Variants in ZRANB3 observed in about 807,000 individuals in gnomAD.
ZRANB3 encodes DNA annealing helicase and endonuclease ZRANB3.
A neutral mutation model predicts 133.8 loss-of-function variants in ZRANB3; 125 were observed. The ratio of observed to expected loss-of-function variants is 0.93; its 90% CI spans 0.81 to 1.08. ZRANB3 has a LOEUF of 1.08. Among genes scored for constraint, ZRANB3 ranks in the 50% least tolerant of loss-of-function variants. ZRANB3 has a pLI of 0.00. For synonymous variants in ZRANB3, 387 were observed against 432.7 expected, an observed-to-expected ratio of 0.89 and a Z score of 1.31; for missense variants, 1,229 against 1,275.5, an observed-to-expected ratio of 0.96 and a Z score of 0.56.
At chr2:135,402,694 C>T (rs1687794498) in intron 2 of ZRANB3, among the ~76,000 whole-genome samples, 1 of 151,870 alleles carries the variant, frequency 6.6e-6, no homozygotes, top group South Asian at 2.1e-4. Flanking sequence ...TCAAGCGATT[C>T]TCCTGCTCAG....
chr2:135,225,843 T>C (rs1273755710), intron 14 of ZRANB3, among the ~76,000 whole-genome samples: 4 of 152,194 alleles, frequency 2.6e-5, no homozygotes, highest in Non-Finnish European at 1.5e-5. Context: ...AAAGGAATAA[T>C]GGAGTGCTTC....
intron 12 of ZRANB3, among the ~76,000 whole-genome samples, chr2:135,242,789 CT>C (rs1424467234): frequency 6.6e-6 from 1 of 151,304 alleles, no homozygotes; most frequent in Non-Finnish European, 1.5e-5. Flanking sequence ...CCTTTCTTTC[CT>C]TATTTAATTA....
intron 4 of ZRANB3, among the ~76,000 whole-genome samples, 198 bp from the exon 5 acceptor site, chr2:135,350,413 T>G (rs1685152006): frequency 6.6e-6 from 1 of 152,182 alleles, no homozygotes; most frequent in African/African-American, 2.4e-5. Context: ...TTTACAGTTT[T>G]GGTTAACCAA....
chr2:135,207,769 C>T lies in ZRANB3; in HGVS notation c.2674G>A (p.Val892Met), dbSNP rs745492330. ...NPYTVQADLT[V>M]KPSTSKGYLQ... ...TAGCCTTTGGATGTAGAGGGCTTCA[C>T]AGTGAGATCTGCCTGGACTGTGTAT... The change falls in exon 19 of 21, where the codon GTG (valine) becomes ATG (methionine). Residue 892 changes from valine (V) to methionine (M), a missense_variant. By Grantham distance (21) the Val-to-Met change is conservative. Transcript: ENST00000264159. 6.2e-7 allele frequency: 1 copy of T among 1,613,988 alleles called. No individual in the cohort carries two copies. Among genetic ancestry groups the T allele is most frequent in the Non-Finnish European group, 8.5e-7 (1 of 1,179,860 alleles).
intron 9 of ZRANB3, among the ~76,000 whole-genome samples, chr2:135,274,880 A>G (rs1234835593): frequency 6.6e-6 from 1 of 152,172 alleles, no homozygotes; most frequent in Non-Finnish European, 1.5e-5. Flanking sequence ...ATCTTGCACC[A>G]CGCTTAATCC....
At position 135,227,595 on chromosome 2, in the gene ZRANB3, G is replaced by C. The variant is rs538358490; in HGVS notation, c.2158+217C>G. On this transcript the variant is annotated intron_variant, in intron 14 of 20. Coordinates refer to ENST00000264159, the MANE Select transcript of ZRANB3 (RefSeq NM_032143.4). Reference sequence around the variant, plus strand: ...GTGGCAGCACATGTAGCTATTTATCGGTTTTGCTCTATGTGTAATGTCTGA... The same window carrying C: ...GTGGCAGCACATGTAGCTATTTATCCGTTTTGCTCTATGTGTAATGTCTGA... Among the ~76,000 whole-genome samples, 110 of 152,232 alleles carry C rather than the reference G, an allele frequency of 7.2e-4. 1 individual carries two copies. The highest frequency in any genetic ancestry group is 1.0e-3 in the Non-Finnish European group (71 of 68,010).
At chr2:135,379,496 G>A (rs906449431) in intron 3 of ZRANB3, among the ~76,000 whole-genome samples, 3 of 152,120 alleles carry the variant, frequency 2.0e-5, no homozygotes, top group African/African-American at 7.2e-5. Context: ...TCAGGTCCCG[G>A]CATCTTCTAG....
intron 8 of ZRANB3, among the ~76,000 whole-genome samples, chr2:135,298,687 T>C (rs1682282144): frequency 5.3e-5 from 8 of 152,190 alleles, no homozygotes; most frequent in Admixed American, 2.0e-4. Context: ...TTCAGGTCTC[T>C]CAGCTGTGCA....
intron 12 of ZRANB3, 170 bp from the exon 13 acceptor site, chr2:135,231,097 A>G (rs1694992813): frequency 2.2e-6 from 1 of 460,838 alleles, no homozygotes; most frequent in African/African-American, 2.0e-5. Flanking sequence ...ATATAAATAT[A>G]TATATGTAAA....
intron 2 of ZRANB3, among the ~76,000 whole-genome samples, chr2:135,408,867 C>G (rs141128957): frequency 6.6e-6 from 1 of 151,900 alleles, no homozygotes; most frequent in African/African-American, 2.4e-5. Context: ...GGAGATATAT[C>G]TAATGTTAAA....
intron 2 of ZRANB3, among the ~76,000 whole-genome samples, chr2:135,478,927 A>T (rs1368134940): frequency 6.6e-6 from 1 of 151,906 alleles, no homozygotes; most frequent in East Asian, 1.9e-4. Context: ...ATATGTAAAC[A>T]TATGTGTATA....
chr2:135,466,225 A>G (rs1331586252), intron 2 of ZRANB3, among the ~76,000 whole-genome samples: 1 of 151,882 alleles, frequency 6.6e-6, no homozygotes, highest in Non-Finnish European at 1.5e-5. Flanking sequence ...TCTACTAAAA[A>G]TACAAAAATT....
chr2:135,245,926 C>CAAAAAA (rs1177438717), intron 12 of ZRANB3, among the ~76,000 whole-genome samples: 296 of 19,542 alleles, frequency 0.015, 49 homozygotes, highest in Middle Eastern at 0.25. Flanking sequence ...AACTCCGTCT[C>CAAAAAA]AAAAAAAAAA....
chr2:135,313,654 A>C, intron 7 of ZRANB3, 49 bp from the exon 8 acceptor site: 1 of 1,219,422 alleles, frequency 8.2e-7, no homozygotes, highest in Non-Finnish European at 1.2e-6. Context: ...TAACGAACAG[A>C]ACAAATTAAT....
chr2:135,479,202 A>G (rs1165294270), intron 2 of ZRANB3, among the ~76,000 whole-genome samples: 1 of 152,170 alleles, frequency 6.6e-6, no homozygotes, highest in African/African-American at 2.4e-5. Context: ...AGAAATTAAT[A>G]CATATGTTCA....
chr2:135,274,099 T>C (rs1379603683), intron 9 of ZRANB3, among the ~76,000 whole-genome samples: 4 of 152,234 alleles, frequency 2.6e-5, no homozygotes, highest in Non-Finnish European at 5.9e-5. Context: ...TATAGCACTT[T>C]ATTATAACTC....
At chr2:135,373,250 T>C in intron 3 of ZRANB3, among the ~76,000 whole-genome samples, 1 of 152,138 alleles carries the variant, frequency 6.6e-6, no homozygotes, top group Admixed American at 6.6e-5. Context: ...TAAGTACATA[T>C]GGCTCCTAGG....
chr2:135,383,753 T>C (rs1422079021), intron 3 of ZRANB3, among the ~76,000 whole-genome samples: 1 of 152,104 alleles, frequency 6.6e-6, no homozygotes, highest in Non-Finnish European at 1.5e-5. Context: ...ACTGGGTACA[T>C]AATGAAATGA....
At chr2:135,277,405 C>T (rs1680881320) in intron 8 of ZRANB3, among the ~76,000 whole-genome samples, 1 of 151,940 alleles carries the variant, frequency 6.6e-6, no homozygotes, top group Non-Finnish European at 1.5e-5. Context: ...AAGCAACCAA[C>T]CAAAGATCAA....
Sources: allele counts gnomAD v4.1 joint callset (sites outside exome capture counted in the v4.1 genomes callset), GRCh38; gene constraint gnomAD v4.1.1; transcripts MANE v1.5; gene names NCBI Gene and HGNC (gene_info 2026-07-23, HGNC 2026-07-21).